The following PTPRD variants were observed in gnomAD, a reference collection of about 807,000 sequenced individuals.
PTPRD encodes the protein protein tyrosine phosphatase receptor type D, also known as receptor-type tyrosine-protein phosphatase delta.
PTPRD carries 34 observed loss-of-function variants against 214.5 expected under a neutral mutation model. That is an observed-to-expected ratio of 0.16 (90% CI 0.12 to 0.21). The LOEUF (loss-of-function observed/expected upper bound fraction) is 0.21. Ranked by LOEUF, PTPRD falls within the 10% of genes least tolerant of loss-of-function variation. The pLI is 1.00. For missense variants in PTPRD, 2,545 were observed against 2,398.7 expected, an observed-to-expected ratio of 1.06 and a Z score of -1.27; for synonymous variants, 1,128 against 845.7, an observed-to-expected ratio of 1.33 and a Z score of -5.79.
At chr9:9,524,695 T>C (rs2073606389) in intron 8 of PTPRD, among the ~76,000 whole-genome samples, 1 of 152,236 alleles carries the variant, frequency 6.6e-6, no homozygotes, top group African/African-American at 2.4e-5. Context: ...TCTTTATTGA[T>C]CCTGACTGTA....
chr9:9,297,434 G>C (rs1408960034), intron 9 of PTPRD, among the ~76,000 whole-genome samples: 1 of 151,360 alleles, frequency 6.6e-6, no homozygotes, highest in Non-Finnish European at 1.5e-5. Flanking sequence ...TTTAGTCCAT[G>C]ATGAGTTTAA....
chr9:9,842,222 A>G (rs539479439), intron 5 of PTPRD, among the ~76,000 whole-genome samples: 2 of 148,908 alleles, frequency 1.3e-5, no homozygotes, highest in South Asian at 4.2e-4. Context: ...CAACACACTT[A>G]TGGTTGTCTT....
chr9:9,437,957 G>C (rs2085988888), intron 8 of PTPRD, among the ~76,000 whole-genome samples: 1 of 152,154 alleles, frequency 6.6e-6, no homozygotes, highest in Admixed American at 6.5e-5. Context: ...CTTTGAAATT[G>C]CGGTGTCTGC....
At chr9:10,473,640 G>A (rs1478817304) in intron 2 of PTPRD, among the ~76,000 whole-genome samples, 3 of 151,956 alleles carry the variant, frequency 2.0e-5, no homozygotes, top group Non-Finnish European at 2.9e-5. Flanking sequence ...ATTTCTGATT[G>A]ACATTTTTTA....
intron 9 of PTPRD, among the ~76,000 whole-genome samples, chr9:9,210,253 A>G (rs2099947664): frequency 6.6e-6 from 1 of 152,122 alleles, no homozygotes; most frequent in African/African-American, 2.4e-5. Context: ...CAAATAATGT[A>G]TTGGCTGTAA....
At chr9:10,375,890 T>G (rs545213705) in intron 2 of PTPRD, among the ~76,000 whole-genome samples, 23 of 152,186 alleles carry the variant, frequency 1.5e-4, no homozygotes, top group South Asian at 6.2e-4. Flanking sequence ...TGCCCTATTT[T>G]GAATTTGCAT....
chr9:9,559,815 CAG>C (rs1317959988), intron 8 of PTPRD, among the ~76,000 whole-genome samples: 3 of 152,186 alleles, frequency 2.0e-5, no homozygotes, highest in African/African-American at 7.2e-5. Context: ...CATCCACCCT[CAG>C]AATATCCTCA....
intron 9 of PTPRD, among the ~76,000 whole-genome samples, chr9:9,229,369 C>T (rs994169084): frequency 5.3e-5 from 8 of 152,000 alleles, no homozygotes; most frequent in South Asian, 2.1e-4. Flanking sequence ...GATAGGAAGA[C>T]CATGTGAGCT....
At chr9:9,086,610 G>T (rs1591371357) in intron 10 of PTPRD, among the ~76,000 whole-genome samples, 1 of 152,166 alleles carries the variant, frequency 6.6e-6, no homozygotes, top group African/African-American at 2.4e-5. Context: ...TGCAGCTGTG[G>T]AAAGTGGGCT....
chr9:9,118,749 T>A (rs909416147), intron 10 of PTPRD, among the ~76,000 whole-genome samples: 4 of 152,196 alleles, frequency 2.6e-5, no homozygotes, highest in Non-Finnish European at 4.4e-5. Flanking sequence ...GTGAGCTCAA[T>A]ATACCCTGCC....
rs1055426877 is a variant in PTPRD, at chr9:9,283,522, G to A, written c.-202-100159C>T. Among the ~76,000 whole-genome samples, 34 of 151,322 alleles carry A rather than the reference G, an allele frequency of 2.2e-4. 1 individual carries two copies. Among genetic ancestry groups the A allele is most frequent in the African/African-American group, 8.2e-4 (34 of 41,284 alleles). On this transcript the variant is annotated intron_variant, in intron 9 of 45. Coordinates refer to ENST00000381196, the MANE Select transcript of PTPRD (RefSeq NM_002839.4). The stretch of plus-strand genomic sequence containing the variant: ...TTTACAGAAAGTATCCAACTGCTAG[G>A]AAGTAAGCCCAATTATCACTAGTGA...
chr9:9,087,841 A>T (rs1307330979), intron 10 of PTPRD, among the ~76,000 whole-genome samples: 1 of 150,792 alleles, frequency 6.6e-6, no homozygotes, highest in African/African-American at 2.4e-5. Flanking sequence ...TGTCAAATAG[A>T]ACATAATAAT....
At chr9:8,326,946 C>G (rs1270328456) in intron 44 of PTPRD, among the ~76,000 whole-genome samples, 1 of 146,632 alleles carries the variant, frequency 6.8e-6, no homozygotes, top group Admixed American at 7.3e-5. Context: ...AGTCTTCTGT[C>G]TTTTCTATCT....
intron 43 of PTPRD, among the ~76,000 whole-genome samples, chr9:8,332,195 TCC>T (rs1842136297): frequency 6.6e-6 from 1 of 152,128 alleles, no homozygotes; most frequent in Non-Finnish European, 1.5e-5. Context: ...AGGCATGTCA[TCC>T]AGACCAGAGC....
intron 10 of PTPRD, among the ~76,000 whole-genome samples, chr9:9,129,908 G>T (rs2099840034): frequency 6.6e-6 from 1 of 151,920 alleles, no homozygotes; most frequent in Non-Finnish European, 1.5e-5. Flanking sequence ...TTTTATTCTG[G>T]GCAAGTTATG....
intron 3 of PTPRD, among the ~76,000 whole-genome samples, chr9:10,115,069 A>C (rs1231765844): frequency 1.3e-5 from 2 of 151,800 alleles, no homozygotes; most frequent in African/African-American, 2.4e-5. Context: ...TCAAAGTGCT[A>C]TCTCTCACAG....
intron 11 of PTPRD, among the ~76,000 whole-genome samples, chr9:8,868,961 C>G (rs989708985): frequency 1.3e-5 from 2 of 152,128 alleles, no homozygotes; most frequent in African/African-American, 4.8e-5. Flanking sequence ...CAAACATCCT[C>G]TAATGATTTT....
chr9:8,669,998 A>G (rs939478893), intron 12 of PTPRD, among the ~76,000 whole-genome samples: 2 of 151,266 alleles, frequency 1.3e-5, no homozygotes, highest in South Asian at 2.1e-4. Context: ...GAAAGATTAT[A>G]GGGGTCGGTG....
chr9:8,613,932 A>G (rs1157454915), intron 14 of PTPRD, among the ~76,000 whole-genome samples: 1 of 151,922 alleles, frequency 6.6e-6, no homozygotes, highest in Non-Finnish European at 1.5e-5. Flanking sequence ...ATCAAAGAAG[A>G]GTATCGCTAT....
Sources: gnomAD v4.1 joint callset for allele counts (sites outside exome capture counted in the v4.1 genomes callset) on GRCh38, gnomAD v4.1.1 for gene constraint, MANE v1.5 for transcripts, NCBI Gene and HGNC (gene_info 2026-07-23, HGNC 2026-07-21) for gene names.